The following ZNF77 variants were observed in gnomAD, a reference collection of about 807,000 sequenced individuals.
The protein encoded by ZNF77 is zinc finger protein 77.
Under a neutral mutation model 13.5 loss-of-function variants are expected in ZNF77, and 15 were observed. The ratio of observed to expected loss-of-function variants is 1.11; its 90% CI spans 0.74 to 1.71. The LOEUF (loss-of-function observed/expected upper bound fraction) is 1.71. Among genes scored for constraint, ZNF77 ranks in the 40% most tolerant of loss-of-function variants. The probability of loss-of-function intolerance (pLI) is 0.00; values close to 1 mark genes in which losing one functional copy is unlikely to be tolerated. For synonymous variants in ZNF77, 282 were observed against 250.0 expected (o/e 1.13, Z -1.21); for missense variants, 717 against 676.4 (o/e 1.06, Z -0.67).
chr19:2,944,923 C>A lies in ZNF77; in HGVS notation c.-83G>T. 6.8e-7 allele frequency: 1 copy of A among 1,470,672 alleles called. No homozygotes were observed. Among genetic ancestry groups the A allele is most frequent in the South Asian group, 1.3e-5 (1 of 76,720 alleles). The allele number at this position is 1,470,672 out of a possible 1,614,324, so 91.1% of individuals were successfully genotyped here. A position where few individuals can be genotyped will look rare whatever the true frequency, so the allele number is the denominator to read the frequency against. The stretch of plus-strand genomic sequence containing the variant: ...AGGTGAGCACGACAGGACACCTGAG[C>A]CGCTCGGGGTAGGCGGGGAAGCGCG... On this transcript the variant is annotated 5_prime_UTR_variant, in exon 1 of 4. Transcript: ENST00000314531.
At chr19:2,938,875 G>A (rs946382358) in intron 2 of ZNF77, among the ~76,000 whole-genome samples, 1 of 151,836 alleles carries the variant, frequency 6.6e-6, no homozygotes, top group African/African-American at 2.4e-5. Flanking sequence ...AGAATGGCAT[G>A]AACCCGGGAG....
intron 1 of ZNF77, among the ~76,000 whole-genome samples, chr19:2,943,767 C>T (rs8112046): frequency 0.043 from 5,870 of 137,002 alleles, 426 homozygotes; most frequent in African/African-American, 0.16. Context: ...TGGAGTGCAG[C>T]GGCGCCATGT....
intron 1 of ZNF77, among the ~76,000 whole-genome samples, chr19:2,943,952 C>G (rs1055355094): frequency 6.6e-6 from 1 of 151,884 alleles, no homozygotes; most frequent in African/African-American, 2.4e-5. Flanking sequence ...TCAGGTGATC[C>G]GCCCGCCTCG....
In ZNF77 at chr19:2,933,452, G is replaced by A. The variant is rs547565837; in HGVS notation, c.*37C>T. The A allele has an allele frequency of 8.1e-5, 122 of 1,505,568 alleles. 1 individual carries two copies. The highest frequency in any genetic ancestry group is 6.9e-4 in the East Asian group (30 of 43,554). The allele number at this position is 1,505,568 out of a possible 1,614,324, so 93.3% of individuals were successfully genotyped here. A position where few individuals can be genotyped will look rare whatever the true frequency, so the allele number is the denominator to read the frequency against. On this transcript the variant is annotated 3_prime_UTR_variant, in exon 4 of 4. Coordinates refer to ENST00000314531, the MANE Select transcript of ZNF77 (RefSeq NM_021217.3). ...TCTCACATTTACAACAAGGTTTTAC[G>A]GTTGAACACTCTCCCAGGTCCACTG...
At position 2,933,802 on chromosome 19, in the gene ZNF77, C is replaced by T; in HGVS notation, c.1325G>A (p.Gly442Glu). Residue 442 changes from glycine (G) to glutamate (E), a missense_variant, in exon 4 of 4, where the codon GGG (glycine) becomes GAG (glutamate). By Grantham distance (98) the Gly-to-Glu change is moderately conservative. Coordinates refer to ENST00000314531, the MANE Select transcript of ZNF77 (RefSeq NM_021217.3). ...GEKPFECKHC[G>E]KAFSCHSSLR... ...GGAGGAGTGACAGCTGAAGGCTTTC[C>T]CACAATGCTTACACTCAAAGGGCTT... 6.2e-7 allele frequency: 1 copy of T among 1,613,256 alleles called. No homozygotes were observed. Among genetic ancestry groups the T allele is most frequent in the African/African-American group, 1.3e-5 (1 of 75,050 alleles).
rs199713799 is a variant in ZNF77 at position 2,939,324 on chromosome 19, G to A, written c.87C>T (p.Tyr29=). 1.2e-6 allele frequency: 2 copies of A among 1,614,206 alleles called. No individual in the cohort carries two copies. Among genetic ancestry groups the A allele is most frequent in the East Asian group, 2.2e-5 (1 of 44,882 alleles). The part of the protein sequence containing the change: ...ALLDHAQRSL[Y]RDVMLETCRN... ...TGCAGGTCTCCAGCATCACATCTCT[G>A]TAGAGGCTCCTCTGAGCATGATCCA... Residue 29 remains tyrosine, a synonymous_variant, in exon 2 of 4, where the codon TAC becomes TAT. Transcript: ENST00000314531.
intron 1 of ZNF77, among the ~76,000 whole-genome samples, chr19:2,942,519 C>T (rs1469194914): frequency 2.0e-5 from 3 of 151,666 alleles, no homozygotes; most frequent in South Asian, 2.1e-4. Context: ...TCCCCATGCC[C>T]GGCCTCATTA....
intron 3 of ZNF77, among the ~76,000 whole-genome samples, chr19:2,936,031 TAAATAAAATAAAAATA>T (rs1451072401): frequency 6.7e-6 from 1 of 149,780 alleles, no homozygotes; most frequent in Non-Finnish European, 1.5e-5. Context: ...AATAAATAAA[TAAATAAAATAAAAATA>T]AAATAAAATA....
At position 2,933,782 on chromosome 19, in the gene ZNF77, A is replaced by T; in HGVS notation, c.1345T>A (p.Ser449Thr). The stretch of plus-strand genomic sequence containing the variant: ...GTTCGCACATGCTCTCGAAGGGAGG[A>T]GTGACAGCTGAAGGCTTTCCCACAA... ...KHCGKAFSCHSSLREHVRTHS... is the reference protein window; with the variant it reads ...KHCGKAFSCHTSLREHVRTHS... The change falls in exon 4 of 4, where the codon TCC becomes ACC. Residue 449 changes from serine (S) to threonine (T), a missense_variant. Coordinates refer to ENST00000314531, the MANE Select transcript of ZNF77 (RefSeq NM_021217.3). 3.1e-6 allele frequency: 5 copies of T among 1,612,980 alleles called. No homozygotes were observed. Among genetic ancestry groups the T allele is most frequent in the Non-Finnish European group, 4.2e-6 (5 of 1,179,208 alleles).
rs912150950 is a variant in ZNF77, at chr19:2,940,117, A to C, written c.4-710T>G. Among the ~76,000 whole-genome samples, 4 of 152,080 alleles carry C rather than the reference A, an allele frequency of 2.6e-5. No individual in the cohort carries two copies. In the East Asian group the frequency reaches 7.7e-4, roughly 29 times the overall value. On this transcript the variant is annotated intron_variant, in intron 1 of 3. Coordinates refer to ENST00000314531, the MANE Select transcript of ZNF77 (RefSeq NM_021217.3). ...GAAGATCGCTTGAGGCCAGGAGTTC[A>C]AGACGAGCCTGGGTGACAGAGCAAA...
At chr19:2,935,317 CTTT>C (rs1252033488) in intron 3 of ZNF77, among the ~76,000 whole-genome samples, 2 of 106,088 alleles carry the variant, frequency 1.9e-5, no homozygotes, top group Admixed American at 1.0e-4. Flanking sequence ...CACACCCAGC[CTTT>C]TTTTTTTTTT....
intron 2 of ZNF77, among the ~76,000 whole-genome samples, chr19:2,937,958 C>CCAG (rs2088412374): frequency 6.6e-6 from 1 of 152,086 alleles, no homozygotes; most frequent in Non-Finnish European, 1.5e-5. Flanking sequence ...GGTTTCACCA[C>CCAG]GTTGGCCAGG....
At chr19:2,941,334 C>G (rs1013108018) in intron 1 of ZNF77, among the ~76,000 whole-genome samples, 13 of 152,010 alleles carry the variant, frequency 8.6e-5, no homozygotes, top group Middle Eastern at 3.4e-3. Flanking sequence ...AAAAATTAGC[C>G]AGGTGTGGTG....
intron 2 of ZNF77, among the ~76,000 whole-genome samples, chr19:2,937,321 T>C (rs1027443604): frequency 2.0e-5 from 3 of 151,860 alleles, no homozygotes; most frequent in Admixed American, 2.0e-4. Flanking sequence ...CCATCTCCAC[T>C]AAAAATACAA....
rs938793977 is a variant in ZNF77, at chr19:2,944,946, G to A, written c.-106C>T. 3 of 1,398,646 alleles carry A rather than the reference G, an allele frequency of 2.1e-6. No individual in the cohort carries two copies. Among genetic ancestry groups the A allele is most frequent in the Non-Finnish European group, 2.8e-6 (3 of 1,062,154 alleles). 86.6% of individuals were successfully genotyped at this position (1,398,646 alleles called of 1,614,324 possible). ...AGCCGCTCGGGGTAGGCGGGGAAGC[G>A]CGCAAGGCAGAGGGGAACTCGGCTT... On this transcript the variant is annotated 5_prime_UTR_variant, in exon 1 of 4. Transcript: ENST00000314531.
intron 3 of ZNF77, among the ~76,000 whole-genome samples, chr19:2,936,124 T>C (rs894511887): frequency 7.2e-5 from 11 of 151,906 alleles, no homozygotes; most frequent in Non-Finnish European, 1.3e-4. Flanking sequence ...AAAATGTCTC[T>C]GTGGGTCTGA....
chr19:2,935,250 C>A (rs545261533), intron 3 of ZNF77, among the ~76,000 whole-genome samples: 1 of 151,430 alleles, frequency 6.6e-6, no homozygotes, highest in Non-Finnish European at 1.5e-5. Context: ...GATCTCCTGA[C>A]CTCGTGATCC....
At chr19:2,943,579 C>T (rs1389186846) in intron 1 of ZNF77, among the ~76,000 whole-genome samples, 1 of 151,620 alleles carries the variant, frequency 6.6e-6, no homozygotes, top group East Asian at 1.9e-4. Flanking sequence ...AAACGTTCCT[C>T]CAAACCTTTT....
rs780390521 is a variant in ZNF77, at chr19:2,936,515, G to A, written c.311+9C>T. On this transcript the variant is annotated intron_variant, in intron 3 of 3. Transcript: ENST00000314531. ...GAGAGGCCCATCCCTCCGGTTGAGC[G>A]CCACTCACCTCAGATGCCTCTGTGG... The A allele has an allele frequency of 1.1e-5, 18 of 1,577,142 alleles. No individual in the cohort carries two copies. Among genetic ancestry groups the A allele is most frequent in the Non-Finnish European group, 1.1e-5 (13 of 1,167,866 alleles).
Sources: gnomAD v4.1 joint callset for allele counts (sites outside exome capture counted in the v4.1 genomes callset) on GRCh38, gnomAD v4.1.1 for gene constraint, MANE v1.5 for transcripts, NCBI Gene and HGNC (gene_info 2026-07-23, HGNC 2026-07-21) for gene names.